TSHZ1: variants seen among roughly 807,000 people sequenced by gnomAD.
TSHZ1 encodes teashirt homolog 1.
In TSHZ1, 12 loss-of-function variants were observed where a neutral mutation model predicts 67.1. The observed-to-expected ratio is 0.18, with a 90% CI of 0.11 to 0.29. TSHZ1 has a LOEUF of 0.29. Ranked by LOEUF, TSHZ1 falls within the 10% of genes least tolerant of loss-of-function variation. The probability of loss-of-function intolerance (pLI) is 1.00; values close to 1 mark genes in which losing one functional copy is unlikely to be tolerated. For missense variants in TSHZ1, 1,305 were observed against 1,413.9 expected, an observed-to-expected ratio of 0.92 and a Z score of 1.23; for synonymous variants, 632 against 622.4, an observed-to-expected ratio of 1.02 and a Z score of -0.23.
At chr18:75,241,202 T>C (rs992731277) in intron 1 of TSHZ1, among the ~76,000 whole-genome samples, 1 of 152,204 alleles carries the variant, frequency 6.6e-6, no homozygotes, top group African/African-American at 2.4e-5. Context: ...GTCTCTAGTA[T>C]GCACCCAAGG....
At chr18:75,261,046 T>G (rs540714972) in intron 1 of TSHZ1, among the ~76,000 whole-genome samples, 1 of 151,906 alleles carries the variant, frequency 6.6e-6, no homozygotes, top group East Asian at 1.9e-4. Flanking sequence ...TGAAACTGTA[T>G]CACTTCCGCT....
At chr18:75,224,785 G>T (rs945919171) in intron 1 of TSHZ1, among the ~76,000 whole-genome samples, 1 of 152,144 alleles carries the variant, frequency 6.6e-6, no homozygotes, top group African/African-American at 2.4e-5. Flanking sequence ...TGGATGTAGG[G>T]TAGAGGCCTG....
chr18:75,268,194 C>T (rs2023515212), intron 1 of TSHZ1, among the ~76,000 whole-genome samples: 2 of 152,234 alleles, frequency 1.3e-5, no homozygotes. Flanking sequence ...CCTTCCTCTT[C>T]ATTTTCCAAT....
At chr18:75,284,163 G>A (rs1471862606) in intron 1 of TSHZ1, 2 of 152,618 alleles carry the variant, frequency 1.3e-5, no homozygotes, top group Non-Finnish European at 2.9e-5. Flanking sequence ...GTCTCCCCTT[G>A]GGAGTTAGGA....
At chr18:75,285,384 T>G in intron 1 of TSHZ1, 64 bp from the exon 2 acceptor site, 1 of 1,414,388 alleles carries the variant, frequency 7.1e-7, no homozygotes, top group Non-Finnish European at 9.2e-7. Context: ...ATCTAACTGC[T>G]GGGGAGGCTG....
intron 1 of TSHZ1, among the ~76,000 whole-genome samples, chr18:75,275,273 T>C (rs1215295472): frequency 1.3e-5 from 2 of 152,234 alleles, no homozygotes; most frequent in Non-Finnish European, 2.9e-5. Context: ...CTCCTTGATT[T>C]CTCACTCCCA....
At chr18:75,246,252 A>C (rs557983539) in intron 1 of TSHZ1, among the ~76,000 whole-genome samples, 1 of 152,208 alleles carries the variant, frequency 6.6e-6, no homozygotes, top group Non-Finnish European at 1.5e-5. Flanking sequence ...GGCTTGTCTT[A>C]GTGCTAAAAT....
At chr18:75,250,589 C>A (rs936903192) in intron 1 of TSHZ1, among the ~76,000 whole-genome samples, 1 of 152,194 alleles carries the variant, frequency 6.6e-6, no homozygotes, top group African/African-American at 2.4e-5. Context: ...AGCCAGTGCC[C>A]ATGGCAGCAC....
At chr18:75,242,667 A>C (rs1001397819) in intron 1 of TSHZ1, among the ~76,000 whole-genome samples, 1 of 152,200 alleles carries the variant, frequency 6.6e-6, no homozygotes, top group African/African-American at 2.4e-5. Context: ...TGTAGAATAA[A>C]TATCAGCAGA....
intron 1 of TSHZ1, among the ~76,000 whole-genome samples, chr18:75,269,703 A>G (rs911936728): frequency 2.0e-4 from 30 of 152,234 alleles, no homozygotes; most frequent in Non-Finnish European, 1.5e-5. Context: ...GTGGCATTAA[A>G]TACATTTGCA....
At chr18:75,264,978 T>C (rs904700878) in intron 1 of TSHZ1, among the ~76,000 whole-genome samples, 1 of 152,198 alleles carries the variant, frequency 6.6e-6, no homozygotes, top group African/African-American at 2.4e-5. Flanking sequence ...ACAAGTGTTA[T>C]TAAGAGAGAT....
chr18:75,288,116 G>A lies in TSHZ1; in HGVS notation c.2709G>A (p.Gln903=), dbSNP rs771770391. Residue 903 remains glutamine, a synonymous_variant, in exon 2 of 2, where the codon CAG becomes CAA. Transcript: ENST00000580243. This position sits in a 1 kb window ranked among gnomAD's most constrained non-coding sequence, Gnocchi z 4.9. Reference sequence around the variant, plus strand: ...AGCACCTTCTCATCCTGCAGGCCCAGTTCGCCTCGAGCTTGCGGGAGACCA... The same window carrying A: ...AGCACCTTCTCATCCTGCAGGCCCAATTCGCCTCGAGCTTGCGGGAGACCA... ...NPQHLLILQA[Q]FASSLRETTE... The A allele has an allele frequency of 1.2e-6, 2 of 1,613,764 alleles. No homozygotes were observed. Among genetic ancestry groups the A allele is most frequent in the African/African-American group, 2.7e-5 (2 of 75,070 alleles).
chr18:75,275,321 C>T (rs139489603), intron 1 of TSHZ1, among the ~76,000 whole-genome samples: 2 of 152,170 alleles, frequency 1.3e-5, no homozygotes, highest in Non-Finnish European at 2.9e-5. Flanking sequence ...AGAAGTTCAC[C>T]TTTTTGGAAT....
At chr18:75,256,616 A>C (rs1042437679) in intron 1 of TSHZ1, among the ~76,000 whole-genome samples, 14 of 152,252 alleles carry the variant, frequency 9.2e-5, no homozygotes, top group African/African-American at 3.4e-4. Flanking sequence ...ATTTTCTATA[A>C]ATATCTTCAT....
rs761480832 is a variant in TSHZ1 at position 75,285,824 on chromosome 18, G to A, written c.417G>A (p.Ser139=). 1.4e-5 allele frequency: 22 copies of A among 1,613,896 alleles called. No homozygotes were observed. The East Asian group carries it at 2.0e-4, about 15-fold the overall frequency. ...WSSLALDLKK[S]GSTTSTNDAS... ...GCTTAGCTCTGGATTTAAAGAAGTC[G>A]GGTTCCACCACCAGCACCAACGATG... Residue 139 remains serine (S), a synonymous_variant, in exon 2 of 2, where the codon TCG becomes TCA. Transcript: ENST00000580243.
intron 1 of TSHZ1, among the ~76,000 whole-genome samples, chr18:75,246,222 C>T (rs1225920978): frequency 6.6e-6 from 1 of 152,146 alleles, no homozygotes; most frequent in African/African-American, 2.4e-5. Context: ...GGAAATTGGC[C>T]AGATGCATGC....
intron 1 of TSHZ1, among the ~76,000 whole-genome samples, chr18:75,218,647 C>T (rs1477995395): frequency 2.6e-5 from 4 of 152,314 alleles, no homozygotes; most frequent in South Asian, 2.1e-4. Context: ...CTGTGGGGGC[C>T]GGGCTGGGGG....
In TSHZ1 at chr18:75,286,836, C is replaced by T. The variant is rs201450598; in HGVS notation, c.1429C>T (p.Arg477Trp). The change falls in exon 2 of 2, where the codon CGG becomes TGG. Residue 477 changes from arginine to tryptophan, a missense_variant. By Grantham distance (101) the Arg-to-Trp change is moderately radical. Around this residue, in one of 3 missense-constraint regions of TSHZ1, gnomAD observed 909 missense variants for 961.8 expected, o/e 0.95. Coordinates refer to ENST00000580243, the MANE Select transcript of TSHZ1 (RefSeq NM_001308210.2). This position sits in a 1 kb window ranked among gnomAD's most constrained non-coding sequence, Gnocchi z 5.1. ...CCCACTACCGCCCACCACCCACACG[C>T]GGCTGCCGGCCTCCAGCATCAAAAA... ...SIPLPPTTHT[R>W]LPASSIKKQP... 165 of 1,613,964 alleles carry T rather than the reference C, an allele frequency of 1.0e-4. No homozygotes were observed. Among genetic ancestry groups the T allele is most frequent in the Middle Eastern group, 9.9e-4 (6 of 6,058 alleles).
rs1238846674 is a variant in TSHZ1 at position 75,287,653 on chromosome 18, T to C, written c.2246T>C (p.Leu749Ser). The change falls in exon 2 of 2, where the codon TTG (leucine) becomes TCG (serine). Residue 749 changes from leucine (L) to serine (S), a missense_variant. This residue lies in a region of TSHZ1 where 909 missense variants were observed against 961.8 expected (regional missense o/e 0.95). Coordinates refer to ENST00000580243, the MANE Select transcript of TSHZ1 (RefSeq NM_001308210.2). The surrounding 1 kb of genome is among the most constrained non-coding windows in gnomAD (Gnocchi z 5.0). ...TCCTTCATCAACCCGCTGAGCGCTTTGCAGTCCATCATGAACACCCACCTG... is the reference window on the plus strand; with the variant it reads ...TCCTTCATCAACCCGCTGAGCGCTTCGCAGTCCATCATGAACACCCACCTG... ...EPSFINPLSA[L>S]QSIMNTHLGK... is the part of the protein sequence containing the mutation. 10 of 1,614,052 alleles carry C rather than the reference T, an allele frequency of 6.2e-6. No individual in the cohort carries two copies. Among genetic ancestry groups the C allele is most frequent in the Non-Finnish European group, 8.5e-6 (10 of 1,180,044 alleles).
Sources: gnomAD v4.1 joint callset for allele counts (sites outside exome capture counted in the v4.1 genomes callset) on GRCh38, gnomAD v4.1.1 for gene constraint, gnomAD v4.1.1 regional missense constraint, Gnocchi (gnomAD v3.1) non-coding constraint, MANE v1.5 for transcripts, NCBI Gene and HGNC (gene_info 2026-07-23, HGNC 2026-07-21) for gene names.